The following ANXA4 variants were observed in gnomAD, a reference collection of about 807,000 sequenced individuals.
ANXA4 encodes 35-beta calcimedin.
ANXA4 carries 39 observed loss-of-function variants against 49.8 expected under a neutral mutation model. That is an observed-to-expected ratio of 0.78 (90% CI 0.61 to 1.02). The LOEUF (loss-of-function observed/expected upper bound fraction) is 1.02, where lower values mean the gene tolerates loss of function less well. Among genes scored for constraint, ANXA4 ranks in the 50% least tolerant of loss-of-function variants. The pLI is 0.00. For synonymous variants in ANXA4, 134 were observed against 152.5 expected (o/e 0.88, Z 0.89); for missense variants, 360 against 410.1 (o/e 0.88, Z 1.05).
At chr2:69,795,964 G>A (rs755259406) in intron 3 of ANXA4, among the ~76,000 whole-genome samples, 3 of 152,208 alleles carry the variant, frequency 2.0e-5, no homozygotes, top group Non-Finnish European at 2.9e-5. Context: ...AGAACAGAGA[G>A]ACTGGCTCCA....
In ANXA4 at chr2:69,691,192, C is replaced by T. The variant is rs531708283; in HGVS notation, n.767-29582C>T. Among the ~76,000 whole-genome samples, 52 of 151,264 alleles carry T rather than the reference C, an allele frequency of 3.4e-4. 1 individual carries two copies. Among genetic ancestry groups the T allele is most frequent in the South Asian group, 2.1e-3 (10 of 4,768 alleles). On this transcript the variant is annotated intron_variant and non_coding_transcript_variant, in intron 2 of 3. Transcript: ENST00000418066. ...AGGCTGGAGTGCAGTGGTGCTATCT[C>T]GGCTCACTGCAACCTCTGCCTCCCA...
At chr2:69,671,646 T>C (rs990287692) in intron 2 of ANXA4, among the ~76,000 whole-genome samples, 10 of 152,140 alleles carry the variant, frequency 6.6e-5, no homozygotes, top group Non-Finnish European at 1.5e-4. Context: ...TTGCTTGAAC[T>C]TGGGAGGCAA....
chr2:69,664,722 A>G lies in ANXA4; in HGVS notation n.766+11440A>G, dbSNP rs934084047. Among the ~76,000 whole-genome samples the G allele has an allele frequency of 3.9e-5, 6 of 152,220 alleles. No homozygotes were observed. The East Asian group carries it at 9.6e-4, about 24-fold the overall frequency. On this transcript the variant is annotated intron_variant and non_coding_transcript_variant, in intron 2 of 3. Coordinates refer to the ANXA4 transcript ENST00000418066. The stretch of plus-strand genomic sequence containing the variant: ...TGCTCTTCCAAAAACCCTACCCCCT[A>G]CCTCAATCAAGAGATGGCATCTATG...
intron 1 of ANXA4, among the ~76,000 whole-genome samples, chr2:69,649,983 C>T (rs570541421): frequency 7.7e-5 from 10 of 129,840 alleles, no homozygotes; most frequent in South Asian, 2.5e-4. Context: ...TCTTCCATGC[C>T]GGAGTGTAAT....
intron 6 of ANXA4, 59 bp from the exon 7 acceptor site, chr2:69,810,535 T>G: frequency 1.4e-6 from 2 of 1,414,680 alleles, no homozygotes; most frequent in Non-Finnish European, 2.0e-6. Context: ...CTCTGGAGTG[T>G]GACAGGGCAT....
At chr2:69,663,233 A>T (rs1285671522) in intron 2 of ANXA4, among the ~76,000 whole-genome samples, 1 of 133,680 alleles carries the variant, frequency 7.5e-6, no homozygotes, top group Non-Finnish European at 1.5e-5. Flanking sequence ...TGACCTCATG[A>T]TCCTCCCGTC....
intron 3 of ANXA4, among the ~76,000 whole-genome samples, chr2:69,796,951 G>T (rs932362731): frequency 6.6e-6 from 1 of 152,102 alleles, no homozygotes; most frequent in Non-Finnish European, 1.5e-5. Flanking sequence ...GTGCATAGGG[G>T]ACCTTGGACC....
intron 2 of ANXA4, among the ~76,000 whole-genome samples, chr2:69,658,489 TAGGAA>T (rs1395399319): frequency 6.6e-6 from 1 of 151,934 alleles, no homozygotes; most frequent in Non-Finnish European, 1.5e-5. Flanking sequence ...CCTCACCTTC[TAGGAA>T]AGATATCAAA....
At chr2:69,768,327 C>A (rs1010348508) in intron 1 of ANXA4, among the ~76,000 whole-genome samples, 1 of 152,182 alleles carries the variant, frequency 6.6e-6, no homozygotes, top group Non-Finnish European at 1.5e-5. Flanking sequence ...GGCCAGCTCT[C>A]CTGATGGTTA....
At chr2:69,808,161 C>T (rs1673530743) in intron 6 of ANXA4, 165 bp downstream of exon 6, 3 of 635,048 alleles carry the variant, frequency 4.7e-6, no homozygotes, top group Admixed American at 2.8e-5. Flanking sequence ...AGCCAAATGG[C>T]GGTCTGTTGG....
chr2:69,662,992 CTTT>C (rs746269236), intron 2 of ANXA4, among the ~76,000 whole-genome samples: 1 of 123,180 alleles, frequency 8.1e-6, no homozygotes, highest in Non-Finnish European at 1.7e-5. Flanking sequence ...TTTTCTTTTT[CTTT>C]TTTTTTTTTT....
chr2:69,745,675 T>G (rs886199360), intron 1 of ANXA4, among the ~76,000 whole-genome samples: 6 of 150,158 alleles, frequency 4.0e-5, no homozygotes, highest in African/African-American at 1.5e-4. Flanking sequence ...GGTCTACAGG[T>G]GCATGCTACC....
At chr2:69,696,320 A>G (rs764857618) in intron 2 of ANXA4, among the ~76,000 whole-genome samples, 2 of 152,222 alleles carry the variant, frequency 1.3e-5, no homozygotes, top group Non-Finnish European at 2.9e-5. Context: ...ATCCACAGAA[A>G]GCAATTTCTC....
intron 2 of ANXA4, among the ~76,000 whole-genome samples, chr2:69,674,848 C>A (rs1677335873): frequency 6.6e-6 from 1 of 151,616 alleles, no homozygotes; most frequent in African/African-American, 2.4e-5. Context: ...ATTGATTCTC[C>A]AACTCAGTAA....
chr2:69,816,184 C>G lies in ANXA4; in HGVS notation c.618C>G (p.His206Gln), dbSNP rs1033618344. ...LTVLCSRNRN[H>Q]LLHVFDEYKR... is the part of the protein sequence containing the mutation. ...TTCTCTGTTCCCGGAACCGAAATCA[C>G]CTGTTGCATGGTAAGGCACTTACTT... The change falls in exon 9 of 13, where the codon CAC becomes CAG. Residue 206 changes from histidine (H) to glutamine (Q), a missense_variant. Transcript: ENST00000394295. The G allele has an allele frequency of 6.2e-7, 1 of 1,613,906 alleles. No homozygotes were observed. Among genetic ancestry groups the G allele is most frequent in the Non-Finnish European group, 8.5e-7 (1 of 1,179,824 alleles).
intron 4 of ANXA4, 110 bp from the exon 5 acceptor site, chr2:69,806,275 A>G (rs1558517563): frequency 2.9e-6 from 2 of 689,278 alleles, no homozygotes; most frequent in East Asian, 2.7e-5. Context: ...TTTGACTTGC[A>G]GGCCCCTTGA....
At chr2:69,707,883 A>C (rs2105400917) in intron 2 of ANXA4, among the ~76,000 whole-genome samples, 1 of 152,134 alleles carries the variant, frequency 6.6e-6, no homozygotes, top group South Asian at 2.1e-4. Context: ...CACCTCCACT[A>C]CCCTTCCCAG....
At chr2:69,665,723 A>AT (rs1312428938) in intron 2 of ANXA4, among the ~76,000 whole-genome samples, 1 of 152,190 alleles carries the variant, frequency 6.6e-6, no homozygotes, top group East Asian at 1.9e-4. Context: ...GACACAAGTG[A>AT]TAAAAAAACA....
chr2:69,700,986 C>T (rs1678312801), intron 2 of ANXA4, among the ~76,000 whole-genome samples: 1 of 152,138 alleles, frequency 6.6e-6, no homozygotes, highest in Admixed American at 6.5e-5. Flanking sequence ...AATTCTCCTG[C>T]CTCAGCCTCC....
Sources: gnomAD v4.1 joint callset for allele counts (sites outside exome capture counted in the v4.1 genomes callset) on GRCh38, gnomAD v4.1.1 for gene constraint, MANE v1.5 for transcripts, NCBI Gene and HGNC (gene_info 2026-07-23, HGNC 2026-07-21) for gene names.